Variants in KAZN observed in about 807,000 individuals in gnomAD.
KAZN encodes the protein kazrin.
In KAZN, 40 loss-of-function variants were observed where a neutral mutation model predicts 87.4. That is an observed-to-expected ratio of 0.46 (90% CI 0.36 to 0.60). KAZN has a LOEUF of 0.60. Ranked by LOEUF, KAZN falls within the 20% of genes least tolerant of loss-of-function variation. The probability of loss-of-function intolerance (pLI) is 0.00; values close to 1 mark genes in which losing one functional copy is unlikely to be tolerated. For missense variants in KAZN, 898 were observed against 1,073.9 expected, an observed-to-expected ratio of 0.84 and a Z score of 2.29; for synonymous variants, 466 against 458.3, an observed-to-expected ratio of 1.02 and a Z score of -0.22.
chr1:15,027,330 T>A (rs1573103028), intron 2 of KAZN, among the ~76,000 whole-genome samples: 2 of 152,146 alleles, frequency 1.3e-5, no homozygotes, highest in East Asian at 3.9e-4. Flanking sequence ...TCTGCCCGCC[T>A]CGGCCTCCCA....
chr1:14,074,281 C>T (rs915410717), intron 1 of KAZN, among the ~76,000 whole-genome samples: 2 of 152,114 alleles, frequency 1.3e-5, no homozygotes, highest in Admixed American at 1.3e-4. Context: ...GGCTCCCAGC[C>T]CCCAGCCCCC....
chr1:15,044,607 G>A (rs1673282908), intron 4 of KAZN, among the ~76,000 whole-genome samples: 2 of 152,002 alleles, frequency 1.3e-5, no homozygotes, highest in African/African-American at 2.4e-5. Flanking sequence ...AGCCAGGCCT[G>A]GTACATGCCT....
Position 14,598,807 on chromosome 1 carries a change from C to A in KAZN, c.-191C>A. 4 of 1,353,856 alleles carry A rather than the reference C, an allele frequency of 3.0e-6. No homozygotes were observed. The highest frequency in any genetic ancestry group is 3.8e-6 in the Non-Finnish European group (4 of 1,056,866). 83.9% of individuals were successfully genotyped at this position (1,353,856 alleles called of 1,614,324 possible). A position where few individuals can be genotyped will look rare whatever the true frequency, so the allele number is the denominator to read the frequency against. On this transcript the variant is annotated 5_prime_UTR_variant, in exon 1 of 15. Coordinates refer to ENST00000376030, the MANE Select transcript of KAZN (RefSeq NM_201628.3). The surrounding 1 kb of genome is among the most constrained non-coding windows in gnomAD (Gnocchi z 4.2). ...CCCCGCCGCCTCGCCACCGCCGCGG[C>A]TAGGGCTGGAGGCGCCGCTGTCATT...
At chr1:14,375,007 C>G (rs949006169) in intron 2 of KAZN, among the ~76,000 whole-genome samples, 1 of 152,176 alleles carries the variant, frequency 6.6e-6, no homozygotes, top group Non-Finnish European at 1.5e-5. Context: ...CTTTTGGGGG[C>G]AGAGGCCAAC....
intron 1 of KAZN, among the ~76,000 whole-genome samples, chr1:14,119,290 C>A (rs576807376): frequency 6.6e-6 from 1 of 152,290 alleles, no homozygotes; most frequent in East Asian, 1.9e-4. Context: ...CATCCGTAGA[C>A]TTTTATCGGG....
At chr1:14,802,972 T>A (rs977218211) in intron 1 of KAZN, among the ~76,000 whole-genome samples, 1 of 152,140 alleles carries the variant, frequency 6.6e-6, no homozygotes, top group Admixed American at 6.5e-5. Flanking sequence ...GCCTGATTCC[T>A]TCATCGCAAA....
chr1:14,982,613 G>C (rs1666371154), intron 2 of KAZN, among the ~76,000 whole-genome samples: 1 of 152,134 alleles, frequency 6.6e-6, no homozygotes, highest in African/African-American at 2.4e-5. Context: ...ATTTAGTAGA[G>C]ATGCGGTTTC....
intron 1 of KAZN, among the ~76,000 whole-genome samples, chr1:13,969,032 G>A (rs962072054): frequency 8.5e-5 from 13 of 152,124 alleles, no homozygotes; most frequent in African/African-American, 2.2e-4. Context: ...TATTCTTCAC[G>A]AATTTTCCCT....
Position 14,271,525 on chromosome 1 carries a change from ATC to A in KAZN, c.249+90937_249+90938del, listed in dbSNP as rs1226367190. On this transcript the variant is annotated intron_variant, in intron 2 of 16. Coordinates refer to the KAZN transcript ENST00000636203. ...TCTAGCCGTCCAACCGGAAATCAAA[ATC>A]TCTATTTCTATTTCTCAGGACTGGA... Among the ~76,000 whole-genome samples, 7 of 152,242 alleles carry A rather than the reference ATC, an allele frequency of 4.6e-5. No homozygotes were observed. In the East Asian group the frequency reaches 1.4e-3, roughly 29 times the overall value.
intron 2 of KAZN, among the ~76,000 whole-genome samples, chr1:14,464,440 T>TC (rs1205899980): frequency 6.6e-6 from 1 of 152,130 alleles, no homozygotes; most frequent in Non-Finnish European, 1.5e-5. Context: ...TTTACCCAAG[T>TC]CCTCCCCTTC....
At chr1:14,344,878 G>A (rs150686038) in intron 2 of KAZN, among the ~76,000 whole-genome samples, 201 of 151,864 alleles carry the variant, frequency 1.3e-3, no homozygotes, top group African/African-American at 4.7e-3. Context: ...CATAGCTTCA[G>A]GGACTCAACA....
intron 1 of KAZN, among the ~76,000 whole-genome samples, chr1:14,179,517 C>G (rs1187415985): frequency 6.6e-6 from 1 of 152,124 alleles, no homozygotes; most frequent in African/African-American, 2.4e-5. Context: ...CTTCAAAGTC[C>G]CTCTATTGTA....
intron 1 of KAZN, among the ~76,000 whole-genome samples, chr1:14,750,869 G>A (rs528729440): frequency 9.8e-5 from 15 of 152,294 alleles, no homozygotes; most frequent in Admixed American, 7.2e-4. Context: ...CCAGAAATAC[G>A]CAACAGATTC....
chr1:14,404,115 G>A (rs1379836558), intron 2 of KAZN, among the ~76,000 whole-genome samples: 1 of 152,144 alleles, frequency 6.6e-6, no homozygotes, highest in African/African-American at 2.4e-5. Flanking sequence ...TGCATAACAC[G>A]GGAAGAGGCT....
chr1:14,561,450 G>T (rs1048531185), intron 2 of KAZN, among the ~76,000 whole-genome samples: 1 of 152,192 alleles, frequency 6.6e-6, no homozygotes, highest in Admixed American at 6.5e-5. Context: ...TTGATTGGCT[G>T]CTTTGGGTCC....
rs1284030520 is a variant in KAZN, at chr1:14,923,455, C to T, written c.227-37229C>T. On this transcript the variant is annotated intron_variant, in intron 1 of 14. Coordinates refer to ENST00000376030, the MANE Select transcript of KAZN (RefSeq NM_201628.3). The surrounding 1 kb of genome is among the most constrained non-coding windows in gnomAD (Gnocchi z 4.2). ...GCCTGGCCTTGTCACTGTTCCCCCA[C>T]CCACTCCCAGGGTCCAGGCTCTGGC... 6.6e-6 allele frequency among the ~76,000 whole-genome samples: 1 copy of T among 152,176 alleles called. No homozygotes were observed. The highest frequency in any genetic ancestry group is 1.5e-5 in the Non-Finnish European group (1 of 68,038).
At position 14,118,477 on chromosome 1, in the gene KAZN, C is replaced by A. The variant is rs532245598; in HGVS notation, c.92-61958C>A. The stretch of plus-strand genomic sequence containing the variant: ...CTCTTTTACTTCTTTCTTTGTCTTG[C>A]TCAGTGAGTCTCAAATTTTGAAGTG... On this transcript the variant is annotated intron_variant, in intron 1 of 16. Coordinates refer to the KAZN transcript ENST00000636203. Among the ~76,000 whole-genome samples the A allele has an allele frequency of 1.3e-4, 20 of 152,282 alleles. No individual in the cohort carries two copies. The East Asian group carries it at 3.1e-3, about 24-fold the overall frequency.
chr1:14,823,070 C>T (rs1023584244), intron 1 of KAZN, among the ~76,000 whole-genome samples: 29 of 152,098 alleles, frequency 1.9e-4, no homozygotes, highest in Non-Finnish European at 3.5e-4. Context: ...GCTGGGGAGA[C>T]AACTCGGCTT....
At chr1:14,648,871 G>T (rs760655242) in intron 1 of KAZN, among the ~76,000 whole-genome samples, 3 of 152,178 alleles carry the variant, frequency 2.0e-5, no homozygotes, top group Non-Finnish European at 4.4e-5. Context: ...AGTCTTTGGG[G>T]CATGAGACGT....
Sources: allele counts gnomAD v4.1 joint callset (sites outside exome capture counted in the v4.1 genomes callset), GRCh38; gene constraint gnomAD v4.1.1; non-coding constraint Gnocchi (gnomAD v3.1); transcripts MANE v1.5; gene names NCBI Gene and HGNC (gene_info 2026-07-23, HGNC 2026-07-21).